RPA3: variants seen among roughly 807,000 people sequenced by gnomAD.
RPA3 encodes replication protein A3.
A neutral mutation model predicts 13.7 loss-of-function variants in RPA3; 24 were observed. That is an observed-to-expected ratio of 1.75 (90% confidence interval 1.27 to 2.46). The LOEUF (loss-of-function observed/expected upper bound fraction) is 2.46, where lower values mean the gene tolerates loss of function less well. Among genes scored for constraint, RPA3 ranks in the 30% most tolerant of loss-of-function variants. RPA3 has a pLI of 0.00. For missense variants in RPA3, 183 were observed against 151.0 expected (o/e 1.21, Z -1.11); for synonymous variants, 59 against 51.2 (o/e 1.15, Z -0.65).
At position 7,643,511 on chromosome 7, in the gene RPA3, G is replaced by T. The variant is rs1389427856; in HGVS notation, c.-757-2336C>A. ...GGATCACCTCAGATCAGAAGTTCAA[G>T]ACCACCCTGGTCAACATGGTGAAAC... On this transcript the variant is annotated intron_variant, in intron 4 of 7. Transcript: ENST00000223129. Among the ~76,000 whole-genome samples the T allele has an allele frequency of 2.6e-5, 4 of 152,188 alleles. No homozygotes were observed. The East Asian group carries it at 7.7e-4, about 29-fold the overall frequency.
intron 4 of RPA3, among the ~76,000 whole-genome samples, chr7:7,683,101 C>G (rs899050424): frequency 7.2e-5 from 11 of 152,192 alleles, no homozygotes; most frequent in African/African-American, 2.7e-4. Flanking sequence ...GAGGTGCCAA[C>G]TGTACTCAGA....
Position 7,718,374 on chromosome 7 carries a change from C to T in RPA3, c.-1080+141G>A, listed in dbSNP as rs1473779116. The T allele has an allele frequency of 2.0e-5, 3 of 152,276 alleles. No individual in the cohort carries two copies. The East Asian group carries it at 5.8e-4, about 29-fold the overall frequency. The allele number at this position is 152,276 out of a possible 1,614,324, so 9.4% of individuals were successfully genotyped here. On this transcript the variant is annotated intron_variant, in intron 1 of 7. Coordinates refer to ENST00000223129, the MANE Select transcript of RPA3 (RefSeq NM_002947.5). ...TTGTCTGTTCTTACCACCATATTCCCAGCACTAGCATGGAACAAATGAATA... is the reference window on the plus strand; with the variant it reads ...TTGTCTGTTCTTACCACCATATTCCTAGCACTAGCATGGAACAAATGAATA...
intron 4 of RPA3, among the ~76,000 whole-genome samples, chr7:7,675,621 G>A (rs933897913): frequency 2.0e-5 from 3 of 152,108 alleles, no homozygotes; most frequent in Admixed American, 1.3e-4. Flanking sequence ...AGGAATTTCC[G>A]GGACCTAATT....
At chr7:7,695,130 A>G (rs28912709) in intron 2 of RPA3, among the ~76,000 whole-genome samples, 4 of 152,148 alleles carry the variant, frequency 2.6e-5, no homozygotes, top group African/African-American at 9.7e-5. Flanking sequence ...GCTTTCTCTG[A>G]TGATCAGTAA....
At chr7:7,705,004 G>A (rs967833896) in intron 2 of RPA3, among the ~76,000 whole-genome samples, 15 of 152,260 alleles carry the variant, frequency 9.9e-5, no homozygotes, top group African/African-American at 3.6e-4. Context: ...GAGGAAGGGC[G>A]CTGATTGTGA....
intron 2 of RPA3, among the ~76,000 whole-genome samples, chr7:7,709,699 A>G (rs1780702593): frequency 6.6e-6 from 1 of 152,208 alleles, no homozygotes; most frequent in Admixed American, 6.5e-5. Flanking sequence ...GCTGAGGGTA[A>G]GATCTTTAAA....
intron 2 of RPA3, among the ~76,000 whole-genome samples, chr7:7,692,124 G>A (rs927863194): frequency 6.6e-5 from 10 of 151,974 alleles, no homozygotes; most frequent in Admixed American, 2.0e-4. Flanking sequence ...AGAGTACTTC[G>A]CCCCCTTTTT....
intron 4 of RPA3, among the ~76,000 whole-genome samples, chr7:7,644,173 C>T (rs911291241): frequency 6.6e-6 from 1 of 152,114 alleles, no homozygotes; most frequent in Non-Finnish European, 1.5e-5. Flanking sequence ...TTTGCACTCC[C>T]TGATTACTGA....
intron 4 of RPA3, among the ~76,000 whole-genome samples, chr7:7,676,678 T>C (rs1583722748): frequency 1.3e-5 from 2 of 152,220 alleles, no homozygotes; most frequent in African/African-American, 2.4e-5. Context: ...CCAAACTTTT[T>C]ACTATTTAAT....
At chr7:7,671,767 T>C (rs991829412) in intron 4 of RPA3, among the ~76,000 whole-genome samples, 3 of 151,170 alleles carry the variant, frequency 2.0e-5, no homozygotes, top group Non-Finnish European at 4.4e-5. Flanking sequence ...AGAGGCCATC[T>C]CTCCTTGCTC....
intron 2 of RPA3, among the ~76,000 whole-genome samples, chr7:7,702,565 T>C (rs200621323): frequency 6.6e-6 from 1 of 152,308 alleles, no homozygotes; most frequent in East Asian, 1.9e-4. Context: ...TTTCTGTACT[T>C]TTCCTGATAC....
rs1784940384 is a variant in RPA3 at position 7,640,436 on chromosome 7, GC to G, written c.-19del. 2 of 1,611,704 alleles carry G rather than the reference GC, an allele frequency of 1.2e-6. No homozygotes were observed. The highest frequency in any genetic ancestry group is 2.7e-5 in the African/African-American group (2 of 74,812). On this transcript the variant is annotated 5_prime_UTR_variant, in exon 5 of 8. Coordinates refer to ENST00000223129, the MANE Select transcript of RPA3 (RefSeq NM_002947.5). ...TCCACCATGATTATGGTCCAAGACT[GC>G]GGCTGGCGGGAAACCCACGGACGAC... is the stretch of plus-strand genomic sequence containing the variant.
intron 4 of RPA3, among the ~76,000 whole-genome samples, chr7:7,668,741 A>C (rs1779531810): frequency 1.3e-5 from 2 of 152,234 alleles, no homozygotes; most frequent in Non-Finnish European, 2.9e-5. Context: ...AATGAATGTT[A>C]GTGATACATA....
At chr7:7,715,457 T>C (rs1780877928) in intron 1 of RPA3, among the ~76,000 whole-genome samples, 1 of 152,202 alleles carries the variant, frequency 6.6e-6, no homozygotes, top group Admixed American at 6.5e-5. Context: ...AAGTGCACTC[T>C]TATTTCAATA....
chr7:7,684,562 A>C (rs937676305), intron 4 of RPA3, among the ~76,000 whole-genome samples: 5 of 152,020 alleles, frequency 3.3e-5, no homozygotes, highest in African/African-American at 1.2e-4. Flanking sequence ...GGTTGAATCC[A>C]CCCATGAGGA....
At chr7:7,709,600 C>T (rs900405787) in intron 2 of RPA3, among the ~76,000 whole-genome samples, 29 of 152,334 alleles carry the variant, frequency 1.9e-4, no homozygotes, top group Non-Finnish European at 3.7e-4. Context: ...TGTCAGAAGT[C>T]ACCTGTTTGC....
Position 7,640,686 on chromosome 7 carries a change from G to A in RPA3, c.-268C>T, listed in dbSNP as rs956001449. On this transcript the variant is annotated 5_prime_UTR_variant, in exon 5 of 8. Transcript: ENST00000223129. ...GACAGATACAGGGCGAGAGGCAGTG[G>A]AGGCGGGACTTGGATAGGGGCGGAA... The A allele has an allele frequency of 2.2e-6, 1 of 459,496 alleles. No individual in the cohort carries two copies. 28.5% of individuals were successfully genotyped at this position (459,496 alleles called of 1,614,324 possible).
chr7:7,711,679 C>T (rs896398417), intron 2 of RPA3, among the ~76,000 whole-genome samples: 1 of 151,888 alleles, frequency 6.6e-6, no homozygotes, highest in Non-Finnish European at 1.5e-5. Flanking sequence ...GATCTCTTTT[C>T]CCTGCTGTAT....
chr7:7,678,575 G>GATAAATATATATTTATATACTTAATTT (rs1779814845), intron 4 of RPA3, among the ~76,000 whole-genome samples: 2 of 130,098 alleles, frequency 1.5e-5, no homozygotes, highest in Non-Finnish European at 3.1e-5. Context: ...TTAATTTATA[G>GATAAATATATATTTATATACTTAATTT]ATAAATATAT....
Sources: allele counts gnomAD v4.1 joint callset (sites outside exome capture counted in the v4.1 genomes callset), GRCh38; gene constraint gnomAD v4.1.1; transcripts MANE v1.5; gene names NCBI Gene and HGNC (gene_info 2026-07-23, HGNC 2026-07-21).